UTP15: variants seen among roughly 807,000 people sequenced by gnomAD.
The protein encoded by UTP15 is U3 small nucleolar RNA-associated protein 15 homolog.
UTP15 carries 5 observed loss-of-function variants against 59.1 expected under a neutral mutation model. That is an observed-to-expected ratio of 0.08 (90% CI 0.04 to 0.18). UTP15 has a LOEUF of 0.18. UTP15 is among the 10% of genes least tolerant of loss of function. The probability of loss-of-function intolerance (pLI) is 1.00; values close to 1 mark genes in which losing one functional copy is unlikely to be tolerated. For synonymous variants in UTP15, 211 were observed against 212.2 expected (o/e 0.99, Z 0.05); for missense variants, 494 against 616.7 (o/e 0.80, Z 2.11).
intron 5 of UTP15, among the ~76,000 whole-genome samples, chr5:73,569,973 C>T (rs1004507968): frequency 2.6e-5 from 4 of 151,894 alleles, no homozygotes; most frequent in African/African-American, 7.3e-5. Context: ...GCTGGGACTA[C>T]AGGTGCCCAC....
Position 73,578,805 on chromosome 5 carries a change from G to T in UTP15, c.1099G>T (p.Asp367Tyr). Reference protein sequence around the residue: ...AKKHLELYDRDLKHFRISKAL... With the variant: ...AKKHLELYDRYLKHFRISKAL... ...GAAGCACCTAGAATTGTATGACAGG[G>T]ATCTGAAACATTTTCGGATCTCTAA... Residue 367 changes from aspartate to tyrosine, a missense_variant, in exon 10 of 13, where the codon GAT becomes TAT. Coordinates refer to ENST00000296792, the MANE Select transcript of UTP15 (RefSeq NM_032175.4). The T allele has an allele frequency of 1.2e-6, 2 of 1,611,172 alleles. No individual in the cohort carries two copies. The highest frequency in any genetic ancestry group is 1.7e-6 in the Non-Finnish European group (2 of 1,177,758).
chr5:73,575,631 A>G (rs1384054336), intron 7 of UTP15, among the ~76,000 whole-genome samples: 1 of 151,682 alleles, frequency 6.6e-6, no homozygotes, highest in Non-Finnish European at 1.5e-5. Context: ...TCCTGGGCTC[A>G]AACAATCTGC....
Position 73,579,986 on chromosome 5 carries a change from C to G in UTP15, c.1449C>G (p.Thr483=). 1 of 1,613,646 alleles carries G rather than the reference C, an allele frequency of 6.2e-7. No homozygotes were observed. The highest frequency in any genetic ancestry group is 8.5e-7 in the Non-Finnish European group (1 of 1,179,810). ...EIDYQRELLE[T]LGMMDMLFAT... Reference sequence around the variant, plus strand: ...ATTACCAAAGAGAATTGTTAGAAACCTTGGGGATGATGGATATGCTTTTTG... The same window carrying G: ...ATTACCAAAGAGAATTGTTAGAAACGTTGGGGATGATGGATATGCTTTTTG... Residue 483 remains threonine, a synonymous_variant, in exon 13 of 13, where the codon ACC becomes ACG. Transcript: ENST00000296792.
Position 73,581,685 on chromosome 5 carries a change from T to C in UTP15, c.*1591T>C, listed in dbSNP as rs1042314763. ...TCCAGTAAGGGTATTAAGTAAAAAT[T>C]AAATAAACGTATTAAGTTTAACATA... On this transcript the variant is annotated 3_prime_UTR_variant, in exon 13 of 13. Transcript: ENST00000296792. 6.6e-6 allele frequency: 1 copy of C among 152,124 alleles called. No individual in the cohort carries two copies. Among genetic ancestry groups the C allele is most frequent in the African/African-American group, 2.4e-5 (1 of 41,426 alleles). 9.4% of individuals were successfully genotyped at this position (152,124 alleles called of 1,614,324 possible).
intron 6 of UTP15, among the ~76,000 whole-genome samples, chr5:73,571,251 AG>A (rs1747923338): frequency 6.6e-6 from 1 of 150,570 alleles, no homozygotes; most frequent in Non-Finnish European, 1.5e-5. Flanking sequence ...TTTGAAAATC[AG>A]TTATTTGAGA....
chr5:73,570,029 G>A (rs1318663646), intron 5 of UTP15, among the ~76,000 whole-genome samples: 1 of 151,748 alleles, frequency 6.6e-6, no homozygotes, highest in African/African-American at 2.4e-5. Flanking sequence ...AGACGGTTTT[G>A]CCATGTTGCC....
intron 7 of UTP15, among the ~76,000 whole-genome samples, chr5:73,573,221 C>T (rs1747993321): frequency 6.6e-6 from 1 of 151,378 alleles, no homozygotes; most frequent in Admixed American, 6.6e-5. Context: ...CTTTTAAAAT[C>T]ATTATTGTAC....
chr5:73,566,485 T>A (rs1344494223), intron 1 of UTP15, among the ~76,000 whole-genome samples: 8 of 152,236 alleles, frequency 5.3e-5, no homozygotes, highest in Non-Finnish European at 8.8e-5. Context: ...TCATTGGTCA[T>A]TGTATTTCAT....
At chr5:73,569,790 T>C in intron 5 of UTP15, 115 bp downstream of exon 5, 1 of 813,414 alleles carries the variant, frequency 1.2e-6, no homozygotes, top group Non-Finnish European at 1.8e-6. Context: ...AAGGAATATG[T>C]TTCTGATTAA....
intron 7 of UTP15, among the ~76,000 whole-genome samples, chr5:73,573,038 C>T (rs1319001385): frequency 2.0e-5 from 3 of 152,032 alleles, no homozygotes; most frequent in African/African-American, 4.8e-5. Flanking sequence ...CCTCGTGATC[C>T]GCCCACCTCA....
chr5:73,572,641 T>C lies in UTP15; in HGVS notation c.809+17T>C. On this transcript the variant is annotated intron_variant, in intron 7 of 12. Coordinates refer to ENST00000296792, the MANE Select transcript of UTP15 (RefSeq NM_032175.4). ...ACTGGATAGGTTGGCATTTTAATTT[T>C]TTTGTATATTATTATTAGTGTACAC... The C allele has an allele frequency of 6.2e-7, 1 of 1,605,388 alleles. No individual in the cohort carries two copies. The highest frequency in any genetic ancestry group is 8.5e-7 in the Non-Finnish European group (1 of 1,177,590).
At position 73,568,286 on chromosome 5, in the gene UTP15, C is replaced by T; in HGVS notation, c.142C>T (p.Pro48Ser). 6.2e-7 allele frequency: 1 copy of T among 1,611,174 alleles called. No individual in the cohort carries two copies. Among genetic ancestry groups the T allele is most frequent in the Non-Finnish European group, 8.5e-7 (1 of 1,179,250 alleles). ...FGAVSKVDFS[P>S]QPPYNYAVTA... is the part of the protein sequence containing the mutation. ...TGCAGTTTCAAAAGTAGACTTTTCT[C>T]CTCAGCCTCCATATAATTATGCTGT... is the stretch of plus-strand genomic sequence containing the variant. Residue 48 changes from proline to serine, a missense_variant, in exon 3 of 13, where the codon CCT becomes TCT. Physicochemically the swap from Pro to Ser is moderately conservative, Grantham distance 74. Coordinates refer to ENST00000296792, the MANE Select transcript of UTP15 (RefSeq NM_032175.4).
Position 73,580,458 on chromosome 5 carries a change from T to C in UTP15, c.*364T>C, listed in dbSNP as rs968627582. ...CTGGAGAGGGTCCAACTGGGAATCC[T>C]GCTAAAGGAGCAAAGCCTTGTATTA... is the stretch of plus-strand genomic sequence containing the variant. On this transcript the variant is annotated 3_prime_UTR_variant, in exon 13 of 13. Transcript: ENST00000296792. 1 of 161,264 alleles carries C rather than the reference T, an allele frequency of 6.2e-6. No homozygotes were observed. The highest frequency in any genetic ancestry group is 2.4e-5 in the African/African-American group (1 of 41,610). The allele number at this position is 161,264 out of a possible 1,614,324, so 10.0% of individuals were successfully genotyped here. A position where few individuals can be genotyped will look rare whatever the true frequency, so the allele number is the denominator to read the frequency against.
intron 12 of UTP15, 74 bp from the exon 13 acceptor site, chr5:73,579,803 T>C: frequency 1.1e-6 from 1 of 931,696 alleles, no homozygotes; most frequent in Non-Finnish European, 1.6e-6. Flanking sequence ...TTTTATACTT[T>C]TAAAAACTTT....
At chr5:73,577,252 A>C (rs1044292065) in intron 8 of UTP15, among the ~76,000 whole-genome samples, 2 of 152,240 alleles carry the variant, frequency 1.3e-5, no homozygotes, top group Admixed American at 6.5e-5. Context: ...AACTAAATAC[A>C]GTGCTCTAGG....
intron 6 of UTP15, 127 bp downstream of exon 6, chr5:73,570,838 G>A: frequency 7.6e-7 from 1 of 1,318,464 alleles, no homozygotes; most frequent in Non-Finnish European, 1.1e-6. Flanking sequence ...TCAAACAGTT[G>A]ATAGGTAGGA....
intron 6 of UTP15, among the ~76,000 whole-genome samples, chr5:73,570,981 GT>G (rs969180139): frequency 6.6e-6 from 1 of 152,120 alleles, no homozygotes; most frequent in Non-Finnish European, 1.5e-5. Flanking sequence ...TGAAATAAAA[GT>G]TTTAACTTAT....
chr5:73,577,939 A>C lies in UTP15; in HGVS notation c.978A>C (p.Ser326=), dbSNP rs73762105. 4,079 of 1,588,250 alleles carry C rather than the reference A, an allele frequency of 2.6e-3. 68 individuals carry two copies. The African/African-American group carries it at 0.043, about 17-fold the overall frequency. ...GGAAATCTGAAGCAAAGAAGGAATC[A>C]CTTCCCAGAAGAAGAAGGCCTGCAT... ...KHRKSEAKKE[S]LPRRRRPAYR... The change falls in exon 9 of 13, where the codon TCA becomes TCC. Residue 326 remains serine (S), a synonymous_variant. Coordinates refer to ENST00000296792, the MANE Select transcript of UTP15 (RefSeq NM_032175.4).
chr5:73,571,703 A>C (rs1203761191), intron 6 of UTP15, among the ~76,000 whole-genome samples: 1 of 152,100 alleles, frequency 6.6e-6, no homozygotes, highest in Non-Finnish European at 1.5e-5. Flanking sequence ...TGGGAGGCTG[A>C]GGCAGGCGGA....
Sources: allele counts gnomAD v4.1 joint callset (sites outside exome capture counted in the v4.1 genomes callset), GRCh38; gene constraint gnomAD v4.1.1; transcripts MANE v1.5; gene names NCBI Gene and HGNC (gene_info 2026-07-23, HGNC 2026-07-21).